The following SLC12A5 variants were observed in gnomAD, a reference collection of about 807,000 sequenced individuals.
The protein encoded by SLC12A5 is solute carrier family 12 member 5, also known as K-Cl cotransporter 2.
In SLC12A5, 18 loss-of-function variants were observed where a neutral mutation model predicts 124.0. The ratio of observed to expected loss-of-function variants is 0.15; its 90% confidence interval spans 0.10 to 0.22. SLC12A5 has a LOEUF of 0.22. Ranked by LOEUF, SLC12A5 falls within the 10% of genes least tolerant of loss-of-function variation. SLC12A5 has a pLI of 1.00. For missense variants in SLC12A5, 867 were observed against 1,478.7 expected (o/e 0.59, Z 6.78); for synonymous variants, 589 against 568.0 (o/e 1.04, Z -0.53).
intron 6 of SLC12A5, 47 bp downstream of exon 6, chr20:46,037,432 G>T (rs2084508290): frequency 6.4e-7 from 1 of 1,568,670 alleles, no homozygotes; most frequent in Non-Finnish European, 8.7e-7. Flanking sequence ...TTGTCAGTCA[G>T]TTAATCAGTG....
chr20:46,049,413 T>G (rs1222547352), intron 16 of SLC12A5, among the ~76,000 whole-genome samples: 3 of 151,676 alleles, frequency 2.0e-5, no homozygotes, highest in Non-Finnish European at 4.4e-5. Flanking sequence ...ATAAAATAGG[T>G]GGGTGGGTGG....
chr20:46,047,359 C>T (rs2084605163), intron 14 of SLC12A5, 95 bp from the exon 15 acceptor site: 18 of 1,539,736 alleles, frequency 1.2e-5, no homozygotes, highest in Middle Eastern at 1.9e-4. Context: ...CAGGTCTTGC[C>T]CATGCCCTGC....
chr20:46,048,650 CA>C (rs2084620905), intron 16 of SLC12A5, among the ~76,000 whole-genome samples: 1 of 152,114 alleles, frequency 6.6e-6, no homozygotes. Context: ...GCAGGTGGAT[CA>C]CTTGAGGCCA....
rs1568863000 is a variant in SLC12A5 at position 46,043,864 on chromosome 20, C to T, written c.1337-12C>T. 1 of 1,613,774 alleles carries T rather than the reference C, an allele frequency of 6.2e-7. No individual in the cohort carries two copies. The highest frequency in any genetic ancestry group is 8.5e-7 in the Non-Finnish European group (1 of 1,179,868). ...CTGAACCGTGGGGATTCTCCTTTAT[C>T]CTCTGCTGCAGACATCAGCTCCGTT... On this transcript the variant is annotated splice_polypyrimidine_tract_variant and intron_variant, in intron 10 of 25. Coordinates refer to ENST00000243964, the MANE Select transcript of SLC12A5 (RefSeq NM_020708.5).
chr20:46,043,115 A>T, intron 8 of SLC12A5, 38 bp from the exon 9 acceptor site: 1 of 1,604,810 alleles, frequency 6.2e-7, no homozygotes, highest in Non-Finnish European at 8.5e-7. Context: ...TGGTCCCCTT[A>T]TGGCTGGCCT....
rs1034577708 is a variant in SLC12A5, at chr20:46,045,195, A to C, written c.1569+55A>C. The C allele has an allele frequency of 1.3e-6, 2 of 1,513,470 alleles. No individual in the cohort carries two copies. The highest frequency in any genetic ancestry group is 2.8e-5 in the African/African-American group (2 of 72,100). 93.8% of individuals were successfully genotyped at this position (1,513,470 alleles called of 1,614,324 possible). On this transcript the variant is annotated intron_variant, in intron 12 of 25. Coordinates refer to ENST00000243964, the MANE Select transcript of SLC12A5 (RefSeq NM_020708.5). This position sits in a 1 kb window ranked among gnomAD's most constrained non-coding sequence, Gnocchi z 4.9. ...CAGTAGACCAGCCAGGCCCCTGCCC[A>C]GAGAGACCACACAGTGACCCAGGGC...
At chr20:46,032,224 C>T (rs1357096025) in intron 1 of SLC12A5, among the ~76,000 whole-genome samples, 6 of 152,212 alleles carry the variant, frequency 3.9e-5, no homozygotes, top group Non-Finnish European at 7.4e-5. Context: ...GAGACCGGCG[C>T]GGGGCCACCT....
chr20:46,041,267 T>C, intron 7 of SLC12A5, 62 bp from the exon 8 acceptor site: 1 of 1,458,118 alleles, frequency 6.9e-7, no homozygotes. Context: ...CCGGTGGCTG[T>C]ATTGTGCAGC....
chr20:46,046,443 G>T lies in SLC12A5; in HGVS notation c.1787+7G>T. On this transcript the variant is annotated splice_region_variant and intron_variant, in intron 14 of 25. Transcript: ENST00000243964. ...GCTTTCGATATTACCACTGGTGGGT[G>T]CTCTGTCCCCACACTTCCACTGAGC... 6.2e-7 allele frequency: 1 copy of T among 1,613,098 alleles called. No homozygotes were observed. Among genetic ancestry groups the T allele is most frequent in the South Asian group, 1.1e-5 (1 of 91,030 alleles).
chr20:46,023,384 C>T (rs2084372217), exon 3 of SLC12A5: 1 of 398,730 alleles, frequency 2.5e-6, no homozygotes, highest in Non-Finnish European at 4.4e-6. Context: ...CCAACTGATC[C>T]CCACGTCTTG....
At chr20:46,028,817 C>T (rs1471046675), upstream of SLC12A5, among the ~76,000 whole-genome samples, 1 of 152,162 alleles carries the variant, frequency 6.6e-6, no homozygotes, top group Non-Finnish European at 1.5e-5. Flanking sequence ...GACCCCCAGT[C>T]AAGCAGCCGC....
In SLC12A5 at chr20:46,059,557, C is replaced by G. The variant is rs1392991405; in HGVS notation, c.*1952C>G. 1 of 398,938 alleles carries G rather than the reference C, an allele frequency of 2.5e-6. No individual in the cohort carries two copies. The highest frequency in any genetic ancestry group is 2.1e-5 in the African/African-American group (1 of 48,598). The allele number at this position is 398,938 out of a possible 1,614,324, so 24.7% of individuals were successfully genotyped here. A position where few individuals can be genotyped will look rare whatever the true frequency, so the allele number is the denominator to read the frequency against. ...TGGGCTGTGCAGAAGGGGGCTGTAT[C>G]AACATCAATTAGGGAACCAAAGTTG... On this transcript the variant is annotated 3_prime_UTR_variant, in exon 26 of 26. Coordinates refer to ENST00000243964, the MANE Select transcript of SLC12A5 (RefSeq NM_020708.5).
intron 1 of SLC12A5, among the ~76,000 whole-genome samples, chr20:46,030,360 G>A (rs796708399): frequency 1.6e-4 from 25 of 152,306 alleles, no homozygotes; most frequent in African/African-American, 5.5e-4. Context: ...GCAAGGAGCC[G>A]AGGGGCTTGG....
rs1251560492 is a variant in SLC12A5, at chr20:46,053,090, G to A, written c.2511G>A (p.Met837Ile). 1.2e-6 allele frequency: 2 copies of A among 1,612,654 alleles called. No individual in the cohort carries two copies. The highest frequency in any genetic ancestry group is 2.2e-5 in the East Asian group (1 of 44,828). ...GGTGGATTGTGCACGATGGAGGCAT[G>A]CTCATGCTGCTGCCCTTCCTGCTGC... ...DVWWIVHDGGMLMLLPFLLRH... is the reference protein window; with the variant it reads ...DVWWIVHDGGILMLLPFLLRH... Residue 837 changes from methionine to isoleucine, a missense_variant, in exon 19 of 26, where the codon ATG (methionine) becomes ATA (isoleucine). By Grantham distance (10) the Met-to-Ile change is conservative. This residue lies in a region of SLC12A5 where 70 missense variants were observed against 157.2 expected (regional missense o/e 0.45). Transcript: ENST00000243964. This position sits in a 1 kb window ranked among gnomAD's most constrained non-coding sequence, Gnocchi z 4.7.
At chr20:46,051,101 C>G (rs886290918) in intron 17 of SLC12A5, among the ~76,000 whole-genome samples, 2 of 152,164 alleles carry the variant, frequency 1.3e-5, no homozygotes, top group Non-Finnish European at 2.9e-5. Context: ...CTTGAATCCT[C>G]ACAGTAACAT....
chr20:46,041,681 C>T, intron 8 of SLC12A5, 141 bp downstream of exon 8: 1 of 848,214 alleles, frequency 1.2e-6, no homozygotes, highest in East Asian at 2.7e-5. Flanking sequence ...TACATTCTGT[C>T]CTTGGCATCA....
rs186655345 is a variant in SLC12A5 at position 46,036,317 on chromosome 20, A to T, written c.426+394A>T. On this transcript the variant is annotated intron_variant, in intron 4 of 25. Coordinates refer to ENST00000243964, the MANE Select transcript of SLC12A5 (RefSeq NM_020708.5). ...TCTTCCCATTCTCTCTAAAAAAATC[A>T]AATATTCGCCAAACACCTACTTCTT... The T allele has an allele frequency of 1.4e-3, 337 of 238,498 alleles. 1 individual carries two copies. In the South Asian group the frequency reaches 0.014, roughly 10 times the overall value. 14.8% of individuals were successfully genotyped at this position (238,498 alleles called of 1,614,324 possible). A position where few individuals can be genotyped will look rare whatever the true frequency, so the allele number is the denominator to read the frequency against.
In SLC12A5 at chr20:46,056,660, C is replaced by A. The variant is rs1048010668; in HGVS notation, c.3110+96C>A. ...GAGAGCAGAAGGCATCCTGGTCTGT[C>A]AGCCTGCAGACCCAGCTCAGACATT... On this transcript the variant is annotated intron_variant, in intron 23 of 25. Coordinates refer to ENST00000243964, the MANE Select transcript of SLC12A5 (RefSeq NM_020708.5). The surrounding 1 kb of genome is among the most constrained non-coding windows in gnomAD (Gnocchi z 4.3). 1.9e-5 allele frequency: 25 copies of A among 1,327,722 alleles called. No individual in the cohort carries two copies. Among genetic ancestry groups the A allele is most frequent in the Admixed American group, 9.1e-5 (4 of 43,820 alleles). 82.2% of individuals were successfully genotyped at this position (1,327,722 alleles called of 1,614,324 possible). A position where few individuals can be genotyped will look rare whatever the true frequency, so the allele number is the denominator to read the frequency against.
intron 14 of SLC12A5, 69 bp from the exon 15 acceptor site, chr20:46,047,385 C>A: frequency 1.3e-6 from 2 of 1,581,514 alleles, no homozygotes; most frequent in Non-Finnish European, 8.6e-7. Context: ...CTCCCTCTTG[C>A]TTTCTAAGTC....
Sources: allele counts gnomAD v4.1 joint callset (sites outside exome capture counted in the v4.1 genomes callset), GRCh38; gene constraint gnomAD v4.1.1; regional missense constraint gnomAD v4.1.1; non-coding constraint Gnocchi (gnomAD v3.1); transcripts MANE v1.5; gene names NCBI Gene and HGNC (gene_info 2026-07-23, HGNC 2026-07-21).